CAPN3: variants seen among roughly 807,000 people sequenced by gnomAD.
CAPN3 encodes calpain 3.
In CAPN3, 88 loss-of-function variants were observed where a neutral mutation model predicts 114.0. The ratio of observed to expected loss-of-function variants is 0.77; its 90% confidence interval spans 0.65 to 0.92. CAPN3 has a LOEUF of 0.92. Ranked by LOEUF, CAPN3 falls within the 40% of genes least tolerant of loss-of-function variation. The pLI is 0.00. For missense variants in CAPN3, 1,028 were observed against 1,069.0 expected (o/e 0.96, Z 0.53); for synonymous variants, 386 against 382.9 (o/e 1.01, Z -0.09).
At chr15:42,396,619 C>G (rs918459584) in intron 8 of CAPN3, among the ~76,000 whole-genome samples, 181 bp from the exon 9 acceptor site, 1 of 152,126 alleles carries the variant, frequency 6.6e-6, no homozygotes, top group Non-Finnish European at 1.5e-5. Flanking sequence ...AGTTTAGGCT[C>G]AGTCTTGAGG....
chr15:42,381,161 A>G (rs1175175907), intron 1 of CAPN3, among the ~76,000 whole-genome samples: 3 of 152,106 alleles, frequency 2.0e-5, no homozygotes, highest in Admixed American at 2.0e-4. Flanking sequence ...TACCCTTTAG[A>G]TTAAGAATTT....
At chr15:42,380,239 C>T (rs555873575) in intron 1 of CAPN3, among the ~76,000 whole-genome samples, 7 of 152,186 alleles carry the variant, frequency 4.6e-5, no homozygotes, top group South Asian at 2.1e-4. Flanking sequence ...TAGATTACTA[C>T]CTACATGTTT....
Position 42,389,936 on chromosome 15 carries a change from T to C in CAPN3, c.802-17T>C. 1 of 1,613,868 alleles carries C rather than the reference T, an allele frequency of 6.2e-7. No individual in the cohort carries two copies. Among genetic ancestry groups the C allele is most frequent in the South Asian group, 1.1e-5 (1 of 91,072 alleles). On this transcript the variant is annotated splice_polypyrimidine_tract_variant and intron_variant, in intron 5 of 23. Transcript: ENST00000397163. Reference sequence around the variant, plus strand: ...CCCTCCCCTGTGTTGTTCCCTACATTCTCCATCGGGCCTCAGGATGGCACG... The same window carrying C: ...CCCTCCCCTGTGTTGTTCCCTACATCCTCCATCGGGCCTCAGGATGGCACG...
At chr15:42,379,716 G>T (rs1325846518) in intron 1 of CAPN3, among the ~76,000 whole-genome samples, 1 of 152,074 alleles carries the variant, frequency 6.6e-6, no homozygotes, top group Non-Finnish European at 1.5e-5. Context: ...TCTGATAATT[G>T]TCCTTGTTCT....
intron 1 of CAPN3, among the ~76,000 whole-genome samples, chr15:42,374,894 A>G (rs1595808214): frequency 1.5e-5 from 2 of 137,436 alleles, no homozygotes; most frequent in East Asian, 2.2e-4. Context: ...TCAACCCCCC[A>G]GGCCCAAACA....
chr15:42,404,693 G>T, intron 14 of CAPN3: 1 of 1,184,592 alleles, frequency 8.4e-7, no homozygotes. Flanking sequence ...TCAGCTGACA[G>T]TCCTTTGTGC....
At chr15:42,411,538 C>T (rs962215239) in intron 23 of CAPN3, among the ~76,000 whole-genome samples, 193 bp downstream of exon 23, 2 of 152,020 alleles carry the variant, frequency 1.3e-5, no homozygotes, top group Non-Finnish European at 2.9e-5. Flanking sequence ...GACCTCTGCT[C>T]CCCCAGTCAC....
rs537171493 is a variant in CAPN3 at position 42,383,771 on chromosome 15, C to G, written c.310-712C>G. ...TATTTTTAGTAGAGACAGGGTTTCA[C>G]TATGTTGGCCAGGCTGGTCTTGAAC... On this transcript the variant is annotated intron_variant, in intron 1 of 23. Coordinates refer to ENST00000397163, the MANE Select transcript of CAPN3 (RefSeq NM_000070.3). Among the ~76,000 whole-genome samples, 2 of 151,882 alleles carry G rather than the reference C, an allele frequency of 1.3e-5. 1 individual carries two copies. The highest frequency in any genetic ancestry group is 4.8e-5 in the African/African-American group (2 of 41,358).
In CAPN3 at chr15:42,392,670, T is replaced by C; in HGVS notation, c.977T>C (p.Met326Thr). 1.2e-6 allele frequency: 2 copies of C among 1,613,990 alleles called. No individual in the cohort carries two copies. Among genetic ancestry groups the C allele is most frequent in the South Asian group, 2.2e-5 (2 of 91,056 alleles). ...TIIPVQYETR[M>T]ACGLVRGHAY... ...ATTCCGGTTCAGTATGAGACAAGAA[T>C]GGCCTGCGGGCTGGTCAGAGGTCAC... Residue 326 changes from methionine (M) to threonine (T), a missense_variant, in exon 7 of 24, where the codon ATG becomes ACG. Coordinates refer to ENST00000397163, the MANE Select transcript of CAPN3 (RefSeq NM_000070.3).
intron 11 of CAPN3, 90 bp downstream of exon 11, chr15:42,401,900 T>C: frequency 1.4e-6 from 2 of 1,447,350 alleles, no homozygotes; most frequent in Non-Finnish European, 1.9e-6. Flanking sequence ...TCTGGCTTCC[T>C]CAATACCCAG....
At chr15:42,403,854 G>T in intron 14 of CAPN3, 77 bp downstream of exon 14, 1 of 1,283,600 alleles carries the variant, frequency 7.8e-7, no homozygotes, top group South Asian at 1.2e-5. Flanking sequence ...GATGGTGCAG[G>T]GGAGAATGGG....
rs527438869 is a variant in CAPN3, at chr15:42,411,698, G to T, written c.2440-49G>T. 7 of 820,814 alleles carry T rather than the reference G, an allele frequency of 8.5e-6. 1 individual carries two copies. The highest frequency in any genetic ancestry group is 1.4e-5 in the Non-Finnish European group (7 of 515,078). 50.8% of individuals were successfully genotyped at this position (820,814 alleles called of 1,614,324 possible). ...GTAAGATTCCTAGGGCGGGGGGGGG[G>T]GGGGTCACTCTTTTCTGATCTACAT... On this transcript the variant is annotated intron_variant, in intron 23 of 23. Coordinates refer to ENST00000397163, the MANE Select transcript of CAPN3 (RefSeq NM_000070.3).
At chr15:42,362,651 G>A (rs1210478850) in intron 1 of CAPN3, among the ~76,000 whole-genome samples, 1 of 152,190 alleles carries the variant, frequency 6.6e-6, no homozygotes, top group Admixed American at 6.5e-5. Flanking sequence ...ATTAGAGATG[G>A]TCAGAGTTGG....
intron 10 of CAPN3, among the ~76,000 whole-genome samples, chr15:42,400,961 A>G (rs1345610847): frequency 1.3e-5 from 2 of 152,200 alleles, no homozygotes; most frequent in Non-Finnish European, 2.9e-5. Context: ...TGGGAGGCTG[A>G]GGCAGGCGGA....
chr15:42,402,466 A>T, intron 12 of CAPN3: 3 of 1,427,528 alleles, frequency 2.1e-6, no homozygotes, highest in Non-Finnish European at 2.7e-6. Context: ...GGGATGGAGG[A>T]ATCACTTCCC....
Position 42,399,465 on chromosome 15 carries a change from GCT to G in CAPN3, c.1194-18_1194-17del, listed in dbSNP as rs367976885. The stretch of plus-strand genomic sequence containing the variant: ...AGCCCTCCTCACCTGCTCCCATATG[GCT>G]CTCTCTCTTCTTCCAACCTCTCAGG... On this transcript the variant is annotated intron_variant, in intron 9 of 23. Coordinates refer to ENST00000397163, the MANE Select transcript of CAPN3 (RefSeq NM_000070.3). 2.5e-4 allele frequency: 404 copies of G among 1,594,150 alleles called. 6 individuals are homozygous for G. In the South Asian group the frequency reaches 4.3e-3, roughly 17 times the overall value.
chr15:42,389,908 T>G, intron 5 of CAPN3, 45 bp from the exon 6 acceptor site: 1 of 1,610,200 alleles, frequency 6.2e-7, no homozygotes, highest in South Asian at 1.1e-5. Context: ...GTGTTTGTTC[T>G]CTCCCTCCCC....
chr15:42,402,633 A>G (rs2053904431), intron 12 of CAPN3, 161 bp from the exon 13 acceptor site: 5 of 1,530,244 alleles, frequency 3.3e-6, no homozygotes, highest in Non-Finnish European at 4.4e-6. Flanking sequence ...AGAGGAAGTG[A>G]GGTAGGGAGG....
chr15:42,393,600 T>C (rs1219300518), intron 7 of CAPN3, among the ~76,000 whole-genome samples: 1 of 143,612 alleles, frequency 7.0e-6, no homozygotes, highest in Non-Finnish European at 1.5e-5. Flanking sequence ...TCTTTCTTTT[T>C]TTTTTTTTTT....
Sources: allele counts gnomAD v4.1 joint callset (sites outside exome capture counted in the v4.1 genomes callset), GRCh38; gene constraint gnomAD v4.1.1; transcripts MANE v1.5; gene names NCBI Gene and HGNC (gene_info 2026-07-23, HGNC 2026-07-21).